Variants in SPAG8 observed in about 807,000 individuals in gnomAD.
SPAG8 encodes sperm associated antigen 8, also known as sperm-associated antigen 8.
A neutral mutation model predicts 45.3 loss-of-function variants in SPAG8; 36 were observed. The ratio of observed to expected loss-of-function variants is 0.80; its 90% CI spans 0.61 to 1.05. The LOEUF (loss-of-function observed/expected upper bound fraction) is 1.05. SPAG8 is among the 50% of genes least tolerant of loss of function. The pLI is 0.00. For synonymous variants in SPAG8, 227 were observed against 232.6 expected (o/e 0.98, Z 0.22); for missense variants, 573 against 609.2 (o/e 0.94, Z 0.63).
At chr9:35,809,620 C>T (rs773353639), downstream of SPAG8, 5 of 1,154,660 alleles carry the variant, frequency 4.3e-6, no homozygotes, top group Admixed American at 1.7e-5. This position sits in a 1 kb window ranked among gnomAD's most constrained non-coding sequence, Gnocchi z 4.1. Flanking sequence ...TGTACATATA[C>T]CTGTCCCTCT....
chr9:35,809,908 T>C lies in SPAG8; in HGVS notation c.*30A>G. ...CTAGTGCAGACAGAAATAGATTCCA[T>C]ATTCCATACCCCACTTCCCTCCTCA... On this transcript the variant is annotated 3_prime_UTR_variant, in exon 7 of 7. Coordinates refer to ENST00000396638, the MANE Select transcript of SPAG8 (RefSeq NM_001039592.2). This position sits in a 1 kb window ranked among gnomAD's most constrained non-coding sequence, Gnocchi z 4.1. The C allele has an allele frequency of 6.5e-7, 1 of 1,544,408 alleles. No homozygotes were observed. Among genetic ancestry groups the C allele is most frequent in the Non-Finnish European group, 8.7e-7 (1 of 1,150,406 alleles).
chr9:35,809,169 T>C (rs1373218603), downstream of SPAG8: 8 of 1,613,826 alleles, frequency 5.0e-6, 1 homozygote, highest in East Asian at 4.5e-5. The surrounding 1 kb of genome is among the most constrained non-coding windows in gnomAD (Gnocchi z 4.1). Context: ...TGAAGATCCA[T>C]GTCTCCTCTA....
At position 35,812,125 on chromosome 9, in the gene SPAG8, T is replaced by C. The variant is rs1828845344; in HGVS notation, c.23A>G (p.Glu8Gly). 6.2e-7 allele frequency: 1 copy of C among 1,608,326 alleles called. No homozygotes were observed. Among genetic ancestry groups the C allele is most frequent in the Non-Finnish European group, 8.5e-7 (1 of 1,179,978 alleles). Residue 8 changes from glutamate (E) to glycine (G), a missense_variant, in exon 1 of 7, where the codon GAG becomes GGG. By Grantham distance (98) the Glu-to-Gly change is moderately conservative. Transcript: ENST00000396638. METNEST[E>G]GSRSRSRSLD... Reference sequence around the variant, plus strand: ...TCACCGCGACCGCGACCGCGATCCCTCCGTAGACTCGTTGGTCTCCATCTT... The same window carrying C: ...TCACCGCGACCGCGACCGCGATCCCCCCGTAGACTCGTTGGTCTCCATCTT...
rs778869383 is a variant in SPAG8 at position 35,811,951 on chromosome 9, G to T, written c.95C>A (p.Pro32Gln). 1.9e-6 allele frequency: 3 copies of T among 1,600,078 alleles called. No homozygotes were observed. The South Asian group carries it at 3.3e-5, about 18-fold the overall frequency. ...SSEGLGPTSE[P>Q]FPSSDDSPRS... ...GGGACTGTCATCTGAAGAAGGAAAC[G>T]GTTCCGAAGTGGGCCCCAGTCCTTC... The change falls in exon 2 of 7, where the codon CCG (proline) becomes CAG (glutamine). Residue 32 changes from proline to glutamine, a missense_variant. Physicochemically the swap from Pro to Gln is moderately conservative, Grantham distance 76. Coordinates refer to ENST00000396638, the MANE Select transcript of SPAG8 (RefSeq NM_001039592.2).
rs763854758 is a variant in SPAG8, at chr9:35,810,997, AG to A, written c.924del (p.Phe309SerfsTer9). The A allele has an allele frequency of 6.2e-7, 1 of 1,614,110 alleles. No homozygotes were observed. The highest frequency in any genetic ancestry group is 2.2e-5 in the East Asian group (1 of 44,862). ...PSMQDGSESF[F>X]FRHGHRGLLT... is the part of the protein sequence containing the mutation. Reference sequence around the variant, plus strand: ...AGCAGTCCCCGGTGTCCGTGTCGGAAGAAAAAACTCTCAGAGCCATCCTGCA... The same window carrying A: ...AGCAGTCCCCGGTGTCCGTGTCGGAAAAAAAACTCTCAGAGCCATCCTGCA... On this transcript the variant is annotated frameshift_variant, in exon 3 of 7. Coordinates refer to ENST00000396638, the MANE Select transcript of SPAG8 (RefSeq NM_001039592.2). LOFTEE classifies it high-confidence loss of function.
rs1563999443 is a variant in SPAG8, at chr9:35,811,872, AGCAGCTGATGCAGCCGCTGCAGCT to A, written c.150_173del (p.Ala53_Ala60del). 3 of 1,610,496 alleles carry A rather than the reference AGCAGCTGATGCAGCCGCTGCAGCT, an allele frequency of 1.9e-6. No individual in the cohort carries two copies. The highest frequency in any genetic ancestry group is 3.3e-5 in the Admixed American group (2 of 59,968). On this transcript the variant is annotated inframe_deletion, in exon 2 of 7. Coordinates refer to ENST00000396638, the MANE Select transcript of SPAG8 (RefSeq NM_001039592.2). ...CAGTGGTGAAGGCTGCAGTAGCTGC[AGCAGCTGATGCAGCCGCTGCAGCT>A]GCTGCGGTTGCAGCTGCCAGGGCCG... is the stretch of plus-strand genomic sequence containing the variant.
rs780220267 is a variant in SPAG8, at chr9:35,811,280, G to A, written c.766C>T (p.Arg256Ter). 1.1e-5 allele frequency: 18 copies of A among 1,613,730 alleles called. No homozygotes were observed. The highest frequency in any genetic ancestry group is 6.7e-5 in the Admixed American group (4 of 59,994). Reference sequence around the variant, plus strand: ...ATGTCTGGGGGTTTCCATAGTCCTCGGGCACCCGGTTCTAAGACTTGCAAA... The same window carrying A: ...ATGTCTGGGGGTTTCCATAGTCCTCAGGCACCCGGTTCTAAGACTTGCAAA... ...EFLQVLEPGA[R>*]GLWKPPDIKG... The change falls in exon 2 of 7, where the codon CGA becomes TGA. Residue 256 changes from arginine (R) to a stop codon, truncating the protein, a stop_gained. Transcript: ENST00000396638. LOFTEE classifies it high-confidence loss of function.
chr9:35,812,174 A>G lies in SPAG8; in HGVS notation c.-27T>C, dbSNP rs1360751432. ...TTCAGACTCCAGCTACTGGGTTGCCATAGAGACAGCAAACAACTCCTGGAG... is the reference window on the plus strand; with the variant it reads ...TTCAGACTCCAGCTACTGGGTTGCCGTAGAGACAGCAAACAACTCCTGGAG... On this transcript the variant is annotated 5_prime_UTR_variant, in exon 1 of 7. The change abolishes an upstream ATG in the 5' untranslated region. Transcript: ENST00000396638. 5 of 1,601,336 alleles carry G rather than the reference A, an allele frequency of 3.1e-6. No individual in the cohort carries two copies. The Admixed American group carries it at 5.0e-5, about 16-fold the overall frequency.
At chr9:35,808,982 T>C, downstream of SPAG8, 1 of 927,766 alleles carries the variant, frequency 1.1e-6, no homozygotes, top group Non-Finnish European at 1.8e-6. This position sits in a 1 kb window ranked among gnomAD's most constrained non-coding sequence, Gnocchi z 4.0. Context: ...GGGCATATTT[T>C]GGTTCTAATA....
In SPAG8 at chr9:35,810,040, G is replaced by A. The variant is rs1828692635; in HGVS notation, c.1356C>T (p.Pro452=). Residue 452 remains proline (P), a synonymous_variant, in exon 7 of 7, where the codon CCC becomes CCT. Transcript: ENST00000396638. ...PVPLSLGKLL[P]YEPENYPYQL... ...GGTAGGGGTAATTCTCAGGTTCATA[G>A]GGCAAAAGTTTCCCCAGAGACAAGG... is the stretch of plus-strand genomic sequence containing the variant. The A allele has an allele frequency of 1.2e-6, 2 of 1,613,850 alleles. No individual in the cohort carries two copies. The highest frequency in any genetic ancestry group is 4.5e-5 in the East Asian group (2 of 44,890).
At chr9:35,808,245 T>C, downstream of SPAG8, 8 of 1,614,226 alleles carry the variant, frequency 5.0e-6, no homozygotes, top group South Asian at 1.1e-5. The surrounding 1 kb of genome is among the most constrained non-coding windows in gnomAD (Gnocchi z 4.0). Context: ...TATTTGTCCA[T>C]GTCCTGCTGC....
downstream of SPAG8, chr9:35,808,557 C>T (rs1554674642): frequency 1.9e-6 from 3 of 1,614,146 alleles, no homozygotes; most frequent in Non-Finnish European, 2.5e-6. This position sits in a 1 kb window ranked among gnomAD's most constrained non-coding sequence, Gnocchi z 4.0. Flanking sequence ...CCTCCCAGGC[C>T]GAAATGGTCA....
downstream of SPAG8, chr9:35,808,027 TA>T: frequency 1.5e-6 from 1 of 665,242 alleles, no homozygotes. The surrounding 1 kb of genome is among the most constrained non-coding windows in gnomAD (Gnocchi z 4.0). Context: ...GTGTATTTCC[TA>T]AAAACTTCAC....
downstream of SPAG8, chr9:35,808,263 G>T: frequency 6.2e-7 from 1 of 1,614,102 alleles, no homozygotes. The surrounding 1 kb of genome is among the most constrained non-coding windows in gnomAD (Gnocchi z 4.0). Flanking sequence ...TGCAGACAGG[G>T]TGTTCATTCA....
Position 35,810,255 on chromosome 9 carries a change from G to C in SPAG8, c.1255C>G (p.Gln419Glu), listed in dbSNP as rs755087572. Reference protein sequence around the residue: ...PETFWIQRAPQLPGVSNIRTL... With the variant: ...PETFWIQRAPELPGVSNIRTL... ...TAGTCACCCTCACACACCGGCAGCT[G>C]TGGTGCCCTCTGTATCCAGAAGGTC... The change falls in exon 6 of 7, where the codon CAG becomes GAG. Residue 419 changes from glutamine to glutamate, a missense_variant. By Grantham distance (29) the Gln-to-Glu change is conservative. Coordinates refer to ENST00000396638, the MANE Select transcript of SPAG8 (RefSeq NM_001039592.2). The C allele has an allele frequency of 8.1e-6, 13 of 1,614,046 alleles. No individual in the cohort carries two copies. The highest frequency in any genetic ancestry group is 5.0e-5 in the Admixed American group (3 of 60,006).
downstream of SPAG8, chr9:35,809,145 A>G (rs1041371919): frequency 1.2e-6 from 2 of 1,610,186 alleles, no homozygotes; most frequent in Admixed American, 1.7e-5. The surrounding 1 kb of genome is among the most constrained non-coding windows in gnomAD (Gnocchi z 4.1). Flanking sequence ...TCCCCATTCC[A>G]CCCACCCCAG....
chr9:35,809,085 T>A, downstream of SPAG8: 4 of 1,396,208 alleles, frequency 2.9e-6, no homozygotes, highest in Non-Finnish European at 4.1e-6. This position sits in a 1 kb window ranked among gnomAD's most constrained non-coding sequence, Gnocchi z 4.1. Context: ...TGCTATACAG[T>A]ATCACCAATT....
chr9:35,808,762 C>A (rs1011740301), downstream of SPAG8: 8 of 1,613,264 alleles, frequency 5.0e-6, no homozygotes, highest in Admixed American at 5.0e-5. This position sits in a 1 kb window ranked among gnomAD's most constrained non-coding sequence, Gnocchi z 4.0. Context: ...AAGGGCCAGT[C>A]TGTGCTGGGG....
rs1828698180 is a variant in SPAG8 at position 35,810,102 on chromosome 9, G to C, written c.1294C>G (p.Pro432Ala). Residue 432 changes from proline to alanine, a missense_variant, in exon 7 of 7, where the codon CCA (proline) becomes GCA (alanine). Transcript: ENST00000396638. ...GVSNIRTLDT[P>A]FRKNCSFSTP... The stretch of plus-strand genomic sequence containing the variant: ...GAGAAGCTGCAGTTCTTCCGGAATG[G>C]TGTGTCCAATGTCCTGATGTTACTG... 1 of 1,612,206 alleles carries C rather than the reference G, an allele frequency of 6.2e-7. No homozygotes were observed.
Sources: allele counts gnomAD v4.1 joint callset, GRCh38; gene constraint gnomAD v4.1.1; non-coding constraint Gnocchi (gnomAD v3.1); transcripts MANE v1.5; gene names NCBI Gene and HGNC (gene_info 2026-07-23, HGNC 2026-07-21).